Variants in PTPRD observed in about 807,000 individuals in gnomAD.
PTPRD encodes the protein protein tyrosine phosphatase receptor type D.
A neutral mutation model predicts 214.5 loss-of-function variants in PTPRD; 34 were observed. That is an observed-to-expected ratio of 0.16 (90% CI 0.12 to 0.21). The LOEUF (loss-of-function observed/expected upper bound fraction) is 0.21. Among genes scored for constraint, PTPRD ranks in the 10% least tolerant of loss-of-function variants. The pLI is 1.00. For synonymous variants in PTPRD, 1,128 were observed against 845.7 expected (o/e 1.33, Z -5.79); for missense variants, 2,545 against 2,398.7 (o/e 1.06, Z -1.27).
intron 12 of PTPRD, among the ~76,000 whole-genome samples, chr9:8,683,762 C>T (rs558574863): frequency 6.6e-6 from 1 of 152,314 alleles, no homozygotes; most frequent in East Asian, 1.9e-4. Context: ...CCAGCTAAGT[C>T]GCAAGGAGAC....
At chr9:8,722,160 T>TGTGTGTGTGTGTGC (rs1015268099) in intron 12 of PTPRD, among the ~76,000 whole-genome samples, 247 of 146,392 alleles carry the variant, frequency 1.7e-3, no homozygotes, top group African/African-American at 6.5e-3. Flanking sequence ...TGTGTGTGTG[T>TGTGTGTGTGTGTGC]GTGTGTACAG....
At chr9:9,129,910 C>T (rs1380529530) in intron 10 of PTPRD, among the ~76,000 whole-genome samples, 1 of 152,050 alleles carries the variant, frequency 6.6e-6, no homozygotes, top group Non-Finnish European at 1.5e-5. Context: ...TTATTCTGGG[C>T]AAGTTATGTA....
At chr9:10,143,224 T>C (rs2154269098) in intron 3 of PTPRD, among the ~76,000 whole-genome samples, 1 of 152,136 alleles carries the variant, frequency 6.6e-6, no homozygotes, top group Admixed American at 6.6e-5. Flanking sequence ...TGTATACATA[T>C]GTAACTAATC....
intron 21 of PTPRD, 52 bp downstream of exon 21, chr9:8,517,796 C>T (rs2097811058): frequency 6.7e-7 from 1 of 1,499,738 alleles, no homozygotes; most frequent in African/African-American, 1.4e-5. Context: ...CTTCTCACCT[C>T]TTTGCACCAG....
intron 7 of PTPRD, among the ~76,000 whole-genome samples, chr9:9,678,511 C>G (rs1410595953): frequency 1.3e-5 from 2 of 151,762 alleles, no homozygotes; most frequent in Non-Finnish European, 2.9e-5. Context: ...TCCTAGAAAA[C>G]TTACACAATA....
At chr9:10,239,695 C>T (rs1350043331) in intron 3 of PTPRD, among the ~76,000 whole-genome samples, 1 of 96,662 alleles carries the variant, frequency 1.0e-5, no homozygotes, top group African/African-American at 2.8e-5. Context: ...ATGATAACTA[C>T]TGAATCCAGA....
intron 9 of PTPRD, among the ~76,000 whole-genome samples, chr9:9,365,367 A>C (rs190540548): frequency 8.6e-5 from 13 of 151,696 alleles, no homozygotes; most frequent in African/African-American, 3.1e-4. Context: ...TAGAGACTAA[A>C]GATTATTTTT....
intron 7 of PTPRD, among the ~76,000 whole-genome samples, chr9:9,728,776 G>A (rs987661317): frequency 6.6e-6 from 1 of 152,084 alleles, no homozygotes; most frequent in Non-Finnish European, 1.5e-5. Context: ...TTAAAAGAAT[G>A]CTGTCCATTT....
chr9:9,706,904 G>A (rs78244221), intron 7 of PTPRD, among the ~76,000 whole-genome samples: 27 of 152,090 alleles, frequency 1.8e-4, no homozygotes, highest in African/African-American at 6.5e-4. Flanking sequence ...AAGGCAAAAA[G>A]CAATTGAAAA....
intron 3 of PTPRD, among the ~76,000 whole-genome samples, chr9:10,252,275 G>C (rs926630394): frequency 2.0e-4 from 31 of 152,226 alleles, no homozygotes; most frequent in African/African-American, 7.2e-4. Context: ...ATCACAAAAT[G>C]CAATAGTGTC....
At chr9:9,558,871 T>C (rs975303028) in intron 8 of PTPRD, among the ~76,000 whole-genome samples, 1 of 152,130 alleles carries the variant, frequency 6.6e-6, no homozygotes, top group African/African-American at 2.4e-5. Context: ...TCTAGGGGTG[T>C]CTCAGGCCCC....
At chr9:9,288,217 AAATT>A (rs1450162831) in intron 9 of PTPRD, among the ~76,000 whole-genome samples, 2 of 151,796 alleles carry the variant, frequency 1.3e-5, no homozygotes, top group African/African-American at 4.8e-5. Flanking sequence ...ATCTACTCTA[AAATT>A]TTGTTGTCGG....
chr9:9,752,941 C>G (rs756215580), intron 6 of PTPRD, among the ~76,000 whole-genome samples: 1 of 151,910 alleles, frequency 6.6e-6, no homozygotes, highest in African/African-American at 2.4e-5. Flanking sequence ...AACTTTGGCC[C>G]CTTGCATGAT....
At chr9:9,899,058 G>A (rs1169806667) in intron 5 of PTPRD, among the ~76,000 whole-genome samples, 1 of 152,002 alleles carries the variant, frequency 6.6e-6, no homozygotes, top group Non-Finnish European at 1.5e-5. Context: ...AGGACACAAG[G>A]TCAATACACA....
intron 14 of PTPRD, among the ~76,000 whole-genome samples, chr9:8,530,023 G>A (rs947627635): frequency 3.3e-5 from 5 of 151,976 alleles, no homozygotes; most frequent in South Asian, 2.1e-4. Context: ...AAACAGCAGC[G>A]AGCAGAACAT....
At chr9:9,812,661 T>C (rs971677731) in intron 5 of PTPRD, among the ~76,000 whole-genome samples, 38 of 152,172 alleles carry the variant, frequency 2.5e-4, no homozygotes, top group African/African-American at 8.4e-4. Context: ...CACCTAAATA[T>C]GTAAAGAAAA....
At chr9:9,143,981 G>A (rs1387306082) in intron 10 of PTPRD, among the ~76,000 whole-genome samples, 3 of 152,170 alleles carry the variant, frequency 2.0e-5, no homozygotes, top group Admixed American at 2.0e-4. Flanking sequence ...TCTAGGAGCA[G>A]ATGTTCTGTG....
At chr9:9,596,398 A>T (rs2093355214) in intron 7 of PTPRD, among the ~76,000 whole-genome samples, 1 of 151,950 alleles carries the variant, frequency 6.6e-6, no homozygotes, top group Admixed American at 6.6e-5. Context: ...CATTTCCTTA[A>T]GAGTCTTATA....
rs1344813023 is a variant in PTPRD at position 8,319,916 on chromosome 9, T to C, written c.5585A>G (p.Glu1862Gly). Residue 1862 changes from glutamate to glycine, a missense_variant, in exon 45 of 46, where the codon GAA becomes GGA. Transcript: ENST00000381196. ...TACAACTCCTTCATATCTCATTCTT[T>C]CCAAAACAATGCTTAGCGTTATGAA... ...GVFITLSIVLERMRYEGVVDI... is the reference protein window; with the variant it reads ...GVFITLSIVLGRMRYEGVVDI... The C allele has an allele frequency of 3.1e-6, 5 of 1,612,958 alleles. No individual in the cohort carries two copies. The highest frequency in any genetic ancestry group is 4.2e-6 in the Non-Finnish European group (5 of 1,179,468).
Sources: allele counts gnomAD v4.1 joint callset (sites outside exome capture counted in the v4.1 genomes callset), GRCh38; gene constraint gnomAD v4.1.1; transcripts MANE v1.5; gene names NCBI Gene and HGNC (gene_info 2026-07-23, HGNC 2026-07-21).